The following HERC4 variants were observed in gnomAD, a reference collection of about 807,000 sequenced individuals.
The protein encoded by HERC4 is probable E3 ubiquitin-protein ligase HERC4.
In HERC4, 28 loss-of-function variants were observed where a neutral mutation model predicts 124.3. The ratio of observed to expected loss-of-function variants is 0.23; its 90% CI spans 0.17 to 0.31. HERC4 has a LOEUF of 0.31. Among genes scored for constraint, HERC4 ranks in the 10% least tolerant of loss-of-function variants. The probability of loss-of-function intolerance (pLI) is 1.00; values close to 1 mark genes in which losing one functional copy is unlikely to be tolerated. For missense variants in HERC4, 713 were observed against 1,229.3 expected (o/e 0.58, Z 6.28); for synonymous variants, 407 against 421.5 (o/e 0.97, Z 0.42).
chr10:67,988,622 G>A (rs2036390247), intron 15 of HERC4, 41 bp downstream of exon 15: 4 of 1,256,034 alleles, frequency 3.2e-6, no homozygotes, highest in Non-Finnish European at 4.4e-6. Flanking sequence ...TCTGTTAATA[G>A]GAATGGGGAA....
chr10:67,991,046 A>C, intron 12 of HERC4, 31 bp from the exon 13 acceptor site: 1 of 1,366,956 alleles, frequency 7.3e-7, no homozygotes, highest in Non-Finnish European at 9.8e-7. Context: ...AAAAAAATAG[A>C]ATAAAAATTT....
intron 3 of HERC4, chr10:68,069,142 G>A (rs1358651831): frequency 1.0e-6 from 1 of 967,918 alleles, no homozygotes; most frequent in Non-Finnish European, 1.2e-6. Flanking sequence ...TAGATACACA[G>A]TAAGAAAAGG....
chr10:67,954,523 T>G (rs2034013730), intron 19 of HERC4, 72 bp downstream of exon 19: 15 of 1,194,964 alleles, frequency 1.3e-5, no homozygotes, highest in Non-Finnish European at 1.7e-5. Context: ...ATTTACTGAA[T>G]TAACTTGATA....
intron 24 of HERC4, among the ~76,000 whole-genome samples, 156 bp downstream of exon 24, chr10:67,924,929 A>G (rs1468038566): frequency 6.6e-6 from 1 of 152,206 alleles, no homozygotes; most frequent in Non-Finnish European, 1.5e-5. Context: ...TTGAAGGCAA[A>G]CTGAATTTAG....
At chr10:68,039,525 GTTACTCTGA>G in intron 4 of HERC4, 2 of 1,549,320 alleles carry the variant, frequency 1.3e-6, no homozygotes, top group Non-Finnish European at 1.7e-6. Context: ...AAAAAGGAGA[GTTACTCTGA>G]TTCCATATTA....
chr10:67,964,091 ATTTTTTTT>A (rs11327388), intron 16 of HERC4, among the ~76,000 whole-genome samples: 5 of 129,260 alleles, frequency 3.9e-5, no homozygotes, highest in South Asian at 2.5e-4. Flanking sequence ...CTACCACTCC[ATTTTTTTT>A]TTTTTTTTTT....
Position 67,992,247 on chromosome 10 carries a change from T to G in HERC4, c.1223A>C (p.Gln408Pro), listed in dbSNP as rs781025020. 6.2e-7 allele frequency: 1 copy of G among 1,614,152 alleles called. No homozygotes were observed. ...TCCAGAAGGATAGCTCAGCCATTTC[T>G]GAATTAGAGCTTCATTCACTGTCCA... ...QIWTVNEALI[Q>P]KWLSYPSGRF... Residue 408 changes from glutamine (Q) to proline (P), a missense_variant, in exon 11 of 25, where the codon CAG becomes CCG. Physicochemically the swap from Gln to Pro is moderately conservative, Grantham distance 76 (BLOSUM62 -1). Transcript: ENST00000373700.
At chr10:67,955,206 C>T in intron 17 of HERC4, 76 bp from the exon 18 acceptor site, 1 of 1,258,548 alleles carries the variant, frequency 7.9e-7, no homozygotes. Context: ...CTAACCTCTA[C>T]CTATTAGTTA....
In HERC4 at chr10:68,004,260, T is replaced by C. The variant is rs532348567; in HGVS notation, c.1069+9766A>G. On this transcript the variant is annotated intron_variant, in intron 9 of 24. Transcript: ENST00000373700. ...AGTTCAACAGAGTTCAACAACTGAG[T>C]TGAAACAACAGAGTTGTCTTTATAT... Among the ~76,000 whole-genome samples, 47 of 152,348 alleles carry C rather than the reference T, an allele frequency of 3.1e-4. No individual in the cohort carries two copies. In the Middle Eastern group the frequency reaches 0.01, roughly 33 times the overall value.
chr10:68,005,612 T>C (rs1349592221), intron 9 of HERC4, among the ~76,000 whole-genome samples: 1 of 152,140 alleles, frequency 6.6e-6, no homozygotes, highest in African/African-American at 2.4e-5. Flanking sequence ...CTTCCTTCTT[T>C]CCTTCCTTCC....
In HERC4 at chr10:67,966,683, C is replaced by T; in HGVS notation, c.1926G>A (p.Met642Ile). 6.2e-7 allele frequency: 1 copy of T among 1,602,700 alleles called. No individual in the cohort carries two copies. The highest frequency in any genetic ancestry group is 8.5e-7 in the Non-Finnish European group (1 of 1,176,488). The change falls in exon 16 of 25, where the codon ATG (methionine) becomes ATA (isoleucine). Residue 642 changes from methionine to isoleucine, a missense_variant and splice_region_variant. By Grantham distance (10) the Met-to-Ile change is conservative. Transcript: ENST00000373700. ...INWVQQQAYG[M>I]LADIPVTICT... ...ATCACAAATTGCACAGAAAACCTAC[C>T]ATTCCATAGGCCTGCTGTTGGACCC... is the stretch of plus-strand genomic sequence containing the variant.
chr10:68,055,977 T>C (rs1474980627), intron 3 of HERC4, among the ~76,000 whole-genome samples: 1 of 152,064 alleles, frequency 6.6e-6, no homozygotes, highest in Non-Finnish European at 1.5e-5. Context: ...GGTCTTGAAC[T>C]CCTCAGGTGA....
At chr10:67,944,588 T>G (rs577505530) in intron 19 of HERC4, among the ~76,000 whole-genome samples, 1 of 152,068 alleles carries the variant, frequency 6.6e-6, no homozygotes, top group South Asian at 2.1e-4. Context: ...CAGGAAAACA[T>G]GACCTCACCA....
At position 67,988,902 on chromosome 10, in the gene HERC4, A is replaced by G. The variant is rs1036525407; in HGVS notation, c.1634-67T>C. 2.3e-6 allele frequency: 3 copies of G among 1,307,758 alleles called. No homozygotes were observed. In the African/African-American group the frequency reaches 4.5e-5, roughly 20 times the overall value. 81.0% of individuals were successfully genotyped at this position (1,307,758 alleles called of 1,614,324 possible). On this transcript the variant is annotated intron_variant, in intron 14 of 24. Coordinates refer to ENST00000373700, the MANE Select transcript of HERC4 (RefSeq NM_015601.4). ...AAAAAATCACAATTTTCAAAATCAT[A>G]CTGACTTTTTTTCTGAAACAGTAGT...
chr10:68,032,838 T>G lies in HERC4; in HGVS notation c.717A>C (p.Leu239=). ...DRYVPNLLKS[L]RSQKIVYICC... ...AAATATAAACTATTTTCTGAGATCT[T>G]AGTGACTTTAGTAAATTAGGAACAT... The change falls in exon 7 of 25, where the codon CTA becomes CTC. Residue 239 remains leucine (L), a synonymous_variant. Transcript: ENST00000373700. The G allele has an allele frequency of 6.4e-7, 1 of 1,566,188 alleles. No homozygotes were observed. Among genetic ancestry groups the G allele is most frequent in the Non-Finnish European group, 8.8e-7 (1 of 1,136,596 alleles).
chr10:67,991,272 T>A, intron 11 of HERC4, 73 bp from the exon 12 acceptor site: 1 of 825,996 alleles, frequency 1.2e-6, no homozygotes. Context: ...TAAAAAAGAA[T>A]TAAAATGAAT....
chr10:68,063,330 C>T (rs929232371), intron 3 of HERC4, among the ~76,000 whole-genome samples: 1 of 152,112 alleles, frequency 6.6e-6, no homozygotes, highest in Admixed American at 6.6e-5. Context: ...CTGCCTCAGC[C>T]TCCCGAGTAG....
chr10:67,958,958 T>C (rs1047020423), intron 16 of HERC4, among the ~76,000 whole-genome samples: 21 of 152,138 alleles, frequency 1.4e-4, no homozygotes, highest in Admixed American at 1.4e-3. Flanking sequence ...TACAAGATAA[T>C]CTCTACAGAC....
chr10:67,967,114 A>C (rs775032319), intron 15 of HERC4, among the ~76,000 whole-genome samples: 2 of 152,216 alleles, frequency 1.3e-5, no homozygotes, highest in African/African-American at 2.4e-5. Context: ...TTGGCCTCCC[A>C]AAGTGTTGGG....
Sources: gnomAD v4.1 joint callset for allele counts (sites outside exome capture counted in the v4.1 genomes callset) on GRCh38, gnomAD v4.1.1 for gene constraint, MANE v1.5 for transcripts, NCBI Gene and HGNC (gene_info 2026-07-23, HGNC 2026-07-21) for gene names.